Variants in CDH11 observed in about 807,000 individuals in gnomAD.
CDH11 encodes the protein cadherin 11, also known as cadherin-11.
CDH11 carries 11 observed loss-of-function variants against 67.8 expected under a neutral mutation model. The ratio of observed to expected loss-of-function variants is 0.16; its 90% CI spans 0.10 to 0.27. CDH11 has a LOEUF of 0.27. Among genes scored for constraint, CDH11 ranks in the 10% least tolerant of loss-of-function variants. The pLI, the probability that CDH11 is intolerant of heterozygous loss-of-function variation, is 1.00. For synonymous variants in CDH11, 419 were observed against 400.0 expected, an observed-to-expected ratio of 1.05 and a Z score of -0.57; for missense variants, 847 against 1,031.2, an observed-to-expected ratio of 0.82 and a Z score of 2.45.
intron 8 of CDH11, among the ~76,000 whole-genome samples, chr16:64,979,257 G>A (rs991621872): frequency 6.6e-5 from 10 of 152,218 alleles, no homozygotes; most frequent in Admixed American, 2.0e-4. Flanking sequence ...TGAGACCAGC[G>A]TGGCCAACAT....
At chr16:65,083,471 T>G (rs2074645578) in intron 1 of CDH11, among the ~76,000 whole-genome samples, 1 of 152,206 alleles carries the variant, frequency 6.6e-6, no homozygotes, top group Non-Finnish European at 1.5e-5. Context: ...AGCTGCTTCT[T>G]CAAAGCTGAG....
intron 2 of CDH11, among the ~76,000 whole-genome samples, chr16:65,020,546 G>A (rs2073402895): frequency 6.6e-6 from 1 of 152,068 alleles, no homozygotes; most frequent in South Asian, 2.1e-4. Flanking sequence ...GGCCAGGCTG[G>A]TCTTGAACTC....
In CDH11 at chr16:64,947,553, T is replaced by C; in HGVS notation, c.*50A>G. 6.5e-7 allele frequency: 1 copy of C among 1,548,744 alleles called. No homozygotes were observed. The highest frequency in any genetic ancestry group is 8.7e-7 in the Non-Finnish European group (1 of 1,149,460). On this transcript the variant is annotated 3_prime_UTR_variant, in exon 13 of 13. Transcript: ENST00000268603. ...ATACCTGTTTACACATCTTCTAGAT[T>C]CTTGAGAACGCCAGACACAGTTCTT... is the stretch of plus-strand genomic sequence containing the variant.
chr16:65,055,350 G>T (rs969789096), intron 1 of CDH11, among the ~76,000 whole-genome samples: 4 of 152,150 alleles, frequency 2.6e-5, no homozygotes, highest in Non-Finnish European at 4.4e-5. Context: ...CTCCACCCTG[G>T]TCGGTCCAAA....
chr16:64,970,896 T>G (rs2071985884), intron 11 of CDH11, among the ~76,000 whole-genome samples: 1 of 152,168 alleles, frequency 6.6e-6, no homozygotes, highest in Admixed American at 6.6e-5. Flanking sequence ...AAAAAATATA[T>G]ACATATATTC....
In CDH11 at chr16:64,946,497, C is replaced by G; in HGVS notation, c.*1106G>C. 1 of 1,031,022 alleles carries G rather than the reference C, an allele frequency of 9.7e-7. No homozygotes were observed. The allele number at this position is 1,031,022 out of a possible 1,614,324, so 63.9% of individuals were successfully genotyped here. On this transcript the variant is annotated 3_prime_UTR_variant, in exon 13 of 13. Coordinates refer to ENST00000268603, the MANE Select transcript of CDH11 (RefSeq NM_001797.4). Reference sequence around the variant, plus strand: ...ATAACACATATTGCAAAGTCATAGACTGACCTAGTTCTTTCACATCCTTCT... The same window carrying G: ...ATAACACATATTGCAAAGTCATAGAGTGACCTAGTTCTTTCACATCCTTCT...
chr16:65,013,667 A>T (rs924254963), intron 2 of CDH11, among the ~76,000 whole-genome samples: 6 of 152,064 alleles, frequency 3.9e-5, no homozygotes, highest in Admixed American at 6.5e-5. Flanking sequence ...TACTAAAAAA[A>T]TATACAAAAA....
Position 64,947,726 on chromosome 16 carries a change from G to T in CDH11, c.2268C>A (p.Ser756Arg), listed in dbSNP as rs1346206426. 1.2e-6 allele frequency: 2 copies of T among 1,614,052 alleles called. No homozygotes were observed. ...AATCTGTGGTGGCCGACTCTAGGGA[G>T]CTCAGGGACCCGGCCACTGAGCCCC... Reference protein sequence around the residue: ...EGRGSVAGSLSSLESATTDSD... With the variant: ...EGRGSVAGSLRSLESATTDSD... The change falls in exon 13 of 13, where the codon AGC becomes AGA. Residue 756 changes from serine to arginine, a missense_variant. Physicochemically the swap from Ser to Arg is moderately radical, Grantham distance 110. Around this residue, in one of 2 missense-constraint regions of CDH11, gnomAD observed 612 missense variants for 678.7 expected, o/e 0.90. Coordinates refer to ENST00000268603, the MANE Select transcript of CDH11 (RefSeq NM_001797.4).
intron 2 of CDH11, among the ~76,000 whole-genome samples, chr16:65,009,812 C>T (rs1314673157): frequency 6.6e-6 from 1 of 152,132 alleles, no homozygotes; most frequent in African/African-American, 2.4e-5. Context: ...AAAGTCACAG[C>T]AGTAATAACA....
intron 1 of CDH11, among the ~76,000 whole-genome samples, chr16:65,064,231 T>C (rs2074277272): frequency 6.6e-6 from 1 of 152,224 alleles, no homozygotes; most frequent in Non-Finnish European, 1.5e-5. Context: ...AGAAAGACTT[T>C]GGCATAAGAT....
chr16:65,087,170 A>G (rs561220814), intron 1 of CDH11, among the ~76,000 whole-genome samples: 1 of 152,306 alleles, frequency 6.6e-6, no homozygotes, highest in Admixed American at 6.5e-5. Context: ...TGACACAGGT[A>G]TTGCTTCCTC....
At chr16:65,102,215 A>G (rs2075002851) in intron 1 of CDH11, among the ~76,000 whole-genome samples, 3 of 152,216 alleles carry the variant, frequency 2.0e-5, no homozygotes. Context: ...AAATCCACTC[A>G]AAGTCTAAGT....
intron 2 of CDH11, among the ~76,000 whole-genome samples, chr16:65,018,752 C>G (rs112779383): frequency 8.5e-5 from 13 of 152,310 alleles, no homozygotes; most frequent in Non-Finnish European, 1.3e-4. Context: ...TCCAAGAGTG[C>G]TTTGGCAGTA....
At chr16:65,011,013 A>C (rs1175691705) in intron 2 of CDH11, among the ~76,000 whole-genome samples, 1 of 148,022 alleles carries the variant, frequency 6.8e-6, no homozygotes, top group Non-Finnish European at 1.5e-5. Context: ...ATGTATATAT[A>C]TGTGTATATA....
chr16:65,105,062 G>T (rs569173840), intron 1 of CDH11, among the ~76,000 whole-genome samples: 1 of 152,160 alleles, frequency 6.6e-6, no homozygotes, highest in Non-Finnish European at 1.5e-5. Flanking sequence ...GGTCCTCCCA[G>T]TTCTTCCCGA....
intron 2 of CDH11, among the ~76,000 whole-genome samples, chr16:65,052,737 G>A (rs1287604883): frequency 6.6e-6 from 1 of 152,174 alleles, no homozygotes; most frequent in Non-Finnish European, 1.5e-5. Context: ...GAGCTGATAA[G>A]GGAGAAATAA....
At chr16:65,122,205 G>A (rs2075347609), upstream of CDH11, 3 of 531,600 alleles carry the variant, frequency 5.6e-6, no homozygotes, top group Non-Finnish European at 9.9e-6. Flanking sequence ...AGAAGCCGAG[G>A]CTGCGAGAGG....
intron 1 of CDH11, among the ~76,000 whole-genome samples, chr16:65,058,280 T>C (rs1181365198): frequency 6.6e-6 from 1 of 152,228 alleles, no homozygotes; most frequent in African/African-American, 2.4e-5. Flanking sequence ...ATATTTTGGA[T>C]ATTTTGGAAC....
At chr16:64,967,418 C>T (rs1422821611) in intron 11 of CDH11, among the ~76,000 whole-genome samples, 2 of 152,104 alleles carry the variant, frequency 1.3e-5, no homozygotes, top group Admixed American at 6.5e-5. Flanking sequence ...AGGGGTTTCA[C>T]CGTATTGCCC....
Sources: gnomAD v4.1 joint callset for allele counts (sites outside exome capture counted in the v4.1 genomes callset) on GRCh38, gnomAD v4.1.1 for gene constraint, gnomAD v4.1.1 regional missense constraint, MANE v1.5 for transcripts, NCBI Gene and HGNC (gene_info 2026-07-23, HGNC 2026-07-21) for gene names.